The following MAPKAPK3 variants were observed in gnomAD, a reference collection of about 807,000 sequenced individuals.
The protein encoded by MAPKAPK3 is MAPK activated protein kinase 3.
Under a neutral mutation model 49.2 loss-of-function variants are expected in MAPKAPK3, and 35 were observed. The ratio of observed to expected loss-of-function variants is 0.71; its 90% CI spans 0.54 to 0.94. The LOEUF is 0.94. Among genes scored for constraint, MAPKAPK3 ranks in the 40% least tolerant of loss-of-function variants. MAPKAPK3 has a pLI of 0.00. For missense variants in MAPKAPK3, 398 were observed against 493.1 expected (o/e 0.81, Z 1.83); for synonymous variants, 178 against 188.7 (o/e 0.94, Z 0.46).
intron 2 of MAPKAPK3, among the ~76,000 whole-genome samples, chr3:50,625,926 G>T (rs918334698): frequency 6.6e-6 from 1 of 152,052 alleles, no homozygotes; most frequent in African/African-American, 2.4e-5. Context: ...GGAGGGTGGG[G>T]GTGGGGAAGG....
intron 3 of MAPKAPK3, among the ~76,000 whole-genome samples, chr3:50,640,865 C>G (rs2033163657): frequency 6.6e-6 from 1 of 152,210 alleles, no homozygotes; most frequent in African/African-American, 2.4e-5. Flanking sequence ...TCAGCTTTCT[C>G]TCCTTTTGAC....
chr3:50,623,663 A>C (rs543798785), intron 2 of MAPKAPK3, among the ~76,000 whole-genome samples: 8 of 152,238 alleles, frequency 5.3e-5, no homozygotes, highest in Non-Finnish European at 8.8e-5. Flanking sequence ...CACTCCCATT[A>C]TATGGATGAG....
intron 2 of MAPKAPK3, among the ~76,000 whole-genome samples, chr3:50,637,245 G>T (rs564900379): frequency 1.9e-4 from 29 of 152,246 alleles, no homozygotes; most frequent in Admixed American, 1.7e-3. Context: ...GAAGCCCAGT[G>T]TTTCCTGCCA....
intron 2 of MAPKAPK3, among the ~76,000 whole-genome samples, chr3:50,622,032 TC>T (rs2032622577): frequency 6.6e-6 from 1 of 152,218 alleles, no homozygotes; most frequent in Admixed American, 6.5e-5. Context: ...GCAGCCATCT[TC>T]CTTCTGGTTC....
chr3:50,619,332 G>C (rs935819999), intron 2 of MAPKAPK3, among the ~76,000 whole-genome samples: 1 of 152,324 alleles, frequency 6.6e-6, no homozygotes, highest in Non-Finnish European at 1.5e-5. Context: ...GAGTACCTTG[G>C]AGGGGAACAT....
intron 6 of MAPKAPK3, 138 bp downstream of exon 6, chr3:50,644,670 G>A (rs1328521412): frequency 2.0e-5 from 17 of 852,372 alleles, no homozygotes; most frequent in East Asian, 1.6e-4. Flanking sequence ...GCATGGAGGC[G>A]GGTGACGTGG....
chr3:50,631,922 A>AC (rs1253041273), intron 2 of MAPKAPK3, among the ~76,000 whole-genome samples: 1 of 152,076 alleles, frequency 6.6e-6, no homozygotes, highest in African/African-American at 2.4e-5. Flanking sequence ...CTGGGATGAG[A>AC]CCCTTAGGTG....
chr3:50,628,366 G>C (rs1168737319), intron 2 of MAPKAPK3, among the ~76,000 whole-genome samples: 1 of 152,230 alleles, frequency 6.6e-6, no homozygotes, highest in African/African-American at 2.4e-5. Flanking sequence ...CATTGCTGCT[G>C]TGGGGTCTCT....
intron 2 of MAPKAPK3, among the ~76,000 whole-genome samples, chr3:50,620,010 G>A (rs1197971363): frequency 3.9e-5 from 6 of 152,184 alleles, no homozygotes; most frequent in Admixed American, 3.9e-4. Flanking sequence ...TGGATTAGAT[G>A]TGGCTCCCAC....
chr3:50,628,930 A>C (rs1243652589), intron 2 of MAPKAPK3, among the ~76,000 whole-genome samples: 4 of 152,272 alleles, frequency 2.6e-5, no homozygotes, highest in Non-Finnish European at 5.9e-5. Flanking sequence ...AGAGTTGTCG[A>C]GGGGTGTAAA....
rs1169098606 is a variant in MAPKAPK3 at position 50,648,127 on chromosome 3, A to C, written c.*81A>C. 2 of 1,388,392 alleles carry C rather than the reference A, an allele frequency of 1.4e-6. No individual in the cohort carries two copies. Among genetic ancestry groups the C allele is most frequent in the East Asian group, 4.6e-5 (2 of 43,086 alleles). 86.0% of individuals were successfully genotyped at this position (1,388,392 alleles called of 1,614,324 possible). ...GCTCAGGCCCTGGCCAGGAGGGCCC[A>C]GGGTCATTCTTTTAACAAAAGGATT... On this transcript the variant is annotated 3_prime_UTR_variant, in exon 11 of 11. Transcript: ENST00000621469.
chr3:50,625,992 C>T (rs1370959914), intron 2 of MAPKAPK3, among the ~76,000 whole-genome samples: 1 of 152,158 alleles, frequency 6.6e-6, no homozygotes, highest in Admixed American at 6.5e-5. Flanking sequence ...CTGCTGCCCG[C>T]CTTGACCAGG....
chr3:50,644,512 G>A lies in MAPKAPK3; in HGVS notation c.608G>A (p.Cys203Tyr). The A allele has an allele frequency of 1.9e-6, 3 of 1,614,146 alleles. No homozygotes were observed. The highest frequency in any genetic ancestry group is 1.7e-6 in the Non-Finnish European group (2 of 1,180,026). Residue 203 changes from cysteine (C) to tyrosine (Y), a missense_variant, in exon 6 of 11, where the codon TGC becomes TAC. Cys to Tyr is a radical substitution (Grantham distance 194, BLOSUM62 -2). This residue lies in a region of MAPKAPK3 where 30 missense variants were observed against 70.5 expected (regional missense o/e 0.43). Transcript: ENST00000621469. ...ACCCAAAATGCCCTGCAGACACCCT[G>A]CTATACTCCCTATTATGTGGGTGAG... ...ETTQNALQTPCYTPYYVAPEV... is the reference protein window; with the variant it reads ...ETTQNALQTPYYTPYYVAPEV...
intron 8 of MAPKAPK3, 21 bp downstream of exon 8, chr3:50,646,285 C>T (rs1391324091): frequency 1.9e-6 from 3 of 1,613,758 alleles, no homozygotes; most frequent in Non-Finnish European, 2.5e-6. Context: ...CTCTCTGTCC[C>T]AGCCTGACTC....
chr3:50,626,152 G>A (rs2032735387), intron 2 of MAPKAPK3, among the ~76,000 whole-genome samples: 1 of 151,794 alleles, frequency 6.6e-6, no homozygotes, highest in African/African-American at 2.4e-5. Flanking sequence ...ACGGCCCAAT[G>A]GTCTGAGACT....
chr3:50,624,874 G>T (rs551571348), intron 2 of MAPKAPK3, among the ~76,000 whole-genome samples: 17 of 152,318 alleles, frequency 1.1e-4, no homozygotes, highest in Admixed American at 8.5e-4. Flanking sequence ...GCTTCCTGGA[G>T]AGCTGGCTCT....
chr3:50,635,920 CAAAAAAAAAAAAA>C lies in MAPKAPK3; in HGVS notation c.220-4432_220-4420del, dbSNP rs748358137. Among the ~76,000 whole-genome samples the C allele has an allele frequency of 1.1e-3, 79 of 73,488 alleles. No homozygotes were observed. The East Asian group carries it at 0.026, about 24-fold the overall frequency. 48.2% of individuals were successfully genotyped at this position (73,488 alleles called of 152,430 possible). A position where few individuals can be genotyped will look rare whatever the true frequency, so the allele number is the denominator to read the frequency against. ...CAACATGATAAAACCCCGTCTCTAC[CAAAAAAAAAAAAA>C]AAAAAAAAAAAAACCAAAAAAAAAA... On this transcript the variant is annotated intron_variant, in intron 2 of 10. Coordinates refer to ENST00000621469, the MANE Select transcript of MAPKAPK3 (RefSeq NM_001243925.2).
chr3:50,629,507 C>T (rs1576003054), intron 2 of MAPKAPK3, among the ~76,000 whole-genome samples: 1 of 152,166 alleles, frequency 6.6e-6, no homozygotes, highest in South Asian at 2.1e-4. Flanking sequence ...CCTTGTGGCT[C>T]CCTGGGAACA....
rs376831534 is a variant in MAPKAPK3 at position 50,634,455 on chromosome 3, G to T, written c.220-5911G>T. On this transcript the variant is annotated intron_variant, in intron 2 of 10. Coordinates refer to ENST00000621469, the MANE Select transcript of MAPKAPK3 (RefSeq NM_001243925.2). The stretch of plus-strand genomic sequence containing the variant: ...AGGAATGAGGCAAGGGTGGGGGCCC[G>T]TTGGGTTGTCAGAAATCCCCTCCTA... 2.0e-5 allele frequency among the ~76,000 whole-genome samples: 3 copies of T among 151,976 alleles called. No homozygotes were observed. In the South Asian group the frequency reaches 6.2e-4, roughly 32 times the overall value.
Sources: gnomAD v4.1 joint callset for allele counts (sites outside exome capture counted in the v4.1 genomes callset) on GRCh38, gnomAD v4.1.1 for gene constraint, gnomAD v4.1.1 regional missense constraint, MANE v1.5 for transcripts, NCBI Gene and HGNC (gene_info 2026-07-23, HGNC 2026-07-21) for gene names.